FLT3LG: variants seen among roughly 807,000 people sequenced by gnomAD.
The protein encoded by FLT3LG is fms related receptor tyrosine kinase 3 ligand.
In FLT3LG, 8 loss-of-function variants were observed where a neutral mutation model predicts 30.9. The ratio of observed to expected loss-of-function variants is 0.26; its 90% CI spans 0.15 to 0.47. The LOEUF is 0.47. Among genes scored for constraint, FLT3LG ranks in the 20% least tolerant of loss-of-function variants. FLT3LG has a pLI of 0.99. For missense variants in FLT3LG, 278 were observed against 306.2 expected (o/e 0.91, Z 0.69); for synonymous variants, 123 against 135.9 (o/e 0.91, Z 0.66).
chr19:49,479,666 TA>T (rs1470781659), intron 6 of FLT3LG: 13 of 202,946 alleles, frequency 6.4e-5, no homozygotes, highest in South Asian at 1.6e-4. Context: ...CTCACGCGGC[TA>T]ATTTTTTTTT....
At chr19:49,474,572 G>A (rs2079306641) in intron 1 of FLT3LG, 31 bp from the exon 2 acceptor site, 5 of 1,544,636 alleles carry the variant, frequency 3.2e-6, no homozygotes, top group Non-Finnish European at 3.6e-6. Context: ...GGGCATGAGG[G>A]TCCGAGACTT....
At chr19:49,475,632 G>C in intron 2 of FLT3LG, 59 bp from the exon 3 acceptor site, 4 of 1,563,566 alleles carry the variant, frequency 2.6e-6, no homozygotes, top group Non-Finnish European at 3.4e-6. Context: ...TGGGAAGCCC[G>C]GAGGAGGGGG....
At chr19:49,485,248 C>CTTTTTTTTT (rs55877586) in intron 8 of FLT3LG, among the ~76,000 whole-genome samples, 49 of 121,804 alleles carry the variant, frequency 4.0e-4, no homozygotes, top group Non-Finnish European at 6.4e-4. Flanking sequence ...TCTTTTTTTT[C>CTTTTTTTTT]TTTTTTTTTT....
chr19:49,477,950 G>A (rs1405840269), intron 5 of FLT3LG, among the ~76,000 whole-genome samples: 2 of 151,890 alleles, frequency 1.3e-5, no homozygotes, highest in East Asian at 3.9e-4. Flanking sequence ...GGAGGCTGAG[G>A]CAGAATTCCT....
chr19:49,483,341 C>A (rs1010740144), intron 8 of FLT3LG, among the ~76,000 whole-genome samples: 1 of 151,908 alleles, frequency 6.6e-6, no homozygotes, highest in African/African-American at 2.4e-5. Flanking sequence ...TGATCTCCAT[C>A]CCCTGACCTC....
In FLT3LG at chr19:49,476,277, C is replaced by T; in HGVS notation, c.198+79C>T. Reference sequence around the variant, plus strand: ...TGCTCCACCGAGGCGAGTGGATAACCAGGCCCTCCCCTCCCCAAACCCAGG... The same window carrying T: ...TGCTCCACCGAGGCGAGTGGATAACTAGGCCCTCCCCTCCCCAAACCCAGG... On this transcript the variant is annotated intron_variant, in intron 4 of 8. Transcript: ENST00000597551. The surrounding 1 kb of genome is among the most constrained non-coding windows in gnomAD (Gnocchi z 5.3). 1 of 1,449,286 alleles carries T rather than the reference C, an allele frequency of 6.9e-7. No individual in the cohort carries two copies. Among genetic ancestry groups the T allele is most frequent in the Admixed American group, 1.7e-5 (1 of 59,780 alleles). 89.8% of individuals were successfully genotyped at this position (1,449,286 alleles called of 1,614,324 possible).
Position 49,478,900 on chromosome 19 carries a change from T to G in FLT3LG, c.343-9T>G. ...ACGTGGTGGTGACGTCTCCCTCCCC[T>G]GCTCCCAGCCCCCCCCCAGCTGTCT... On this transcript the variant is annotated splice_polypyrimidine_tract_variant and intron_variant, in intron 5 of 8. Transcript: ENST00000597551. The G allele has an allele frequency of 2.0e-6, 3 of 1,518,934 alleles. No homozygotes were observed. The highest frequency in any genetic ancestry group is 2.7e-6 in the Non-Finnish European group (3 of 1,129,354). 94.1% of individuals were successfully genotyped at this position (1,518,934 alleles called of 1,614,324 possible). A position where few individuals can be genotyped will look rare whatever the true frequency, so the allele number is the denominator to read the frequency against.
intron 7 of FLT3LG, 30 bp from the exon 8 acceptor site, chr19:49,480,522 C>A: frequency 6.2e-7 from 1 of 1,610,320 alleles, no homozygotes; most frequent in East Asian, 2.2e-5. Flanking sequence ...GAGGGTGGCC[C>A]ACTTGTGGCT....
At chr19:49,479,193 AAT>A in intron 6 of FLT3LG, 146 bp downstream of exon 6, 3 of 670,726 alleles carry the variant, frequency 4.5e-6, no homozygotes, top group Non-Finnish European at 6.3e-6. Context: ...TCAGTTTACC[AAT>A]TTTTTTTTTT....
In FLT3LG at chr19:49,476,971, A is replaced by C. The variant is rs1330161081; in HGVS notation, c.342+405A>C. Among the ~76,000 whole-genome samples, 5 of 151,668 alleles carry C rather than the reference A, an allele frequency of 3.3e-5. No individual in the cohort carries two copies. Among genetic ancestry groups the C allele is most frequent in the African/African-American group, 7.3e-5 (3 of 41,236 alleles). ...AGACCAGCCTGGCCAACATGATGAA[A>C]TCCCGGCTGTACTAAAAATACAAAA... On this transcript the variant is annotated intron_variant, in intron 5 of 8. Coordinates refer to ENST00000597551, the MANE Select transcript of FLT3LG (RefSeq NM_001459.4). The surrounding 1 kb of genome is among the most constrained non-coding windows in gnomAD (Gnocchi z 5.3).
rs767218011 is a variant in FLT3LG at position 49,480,344 on chromosome 19, CACAGCCCCG to C, written c.538_546del (p.Thr180_Pro182del). The C allele has an allele frequency of 4.3e-6, 7 of 1,610,306 alleles. No individual in the cohort carries two copies. Among genetic ancestry groups the C allele is most frequent in the Admixed American group, 3.3e-5 (2 of 59,970 alleles). On this transcript the variant is annotated inframe_deletion, in exon 7 of 9. Transcript: ENST00000597551. ...CATGGAGTCCCCGGCCCCTGGAGGCCACAGCCCCGACAGCCCCGCAGCCCCCTCTGCTCC... is the reference window on the plus strand; with the variant it reads ...CATGGAGTCCCCGGCCCCTGGAGGCCACAGCCCCGCAGCCCCCTCTGCTCC...
Position 49,476,482 on chromosome 19 carries a change from C to G in FLT3LG, c.258C>G (p.Leu86=). ...LVLAQRWMER[L]KTVAGSKMQG... The stretch of plus-strand genomic sequence containing the variant: ...TGGCACAGCGCTGGATGGAGCGGCT[C>G]AAGACTGTCGCTGGGTCCAAGATGC... Residue 86 remains leucine (L), a synonymous_variant, in exon 5 of 9, where the codon CTC becomes CTG. Coordinates refer to ENST00000597551, the MANE Select transcript of FLT3LG (RefSeq NM_001459.4). This position sits in a 1 kb window ranked among gnomAD's most constrained non-coding sequence, Gnocchi z 5.3. The G allele has an allele frequency of 6.2e-7, 1 of 1,614,144 alleles. No individual in the cohort carries two copies. The highest frequency in any genetic ancestry group is 1.1e-5 in the South Asian group (1 of 91,086).
intron 8 of FLT3LG, among the ~76,000 whole-genome samples, chr19:49,484,683 G>C (rs1342831500): frequency 1.3e-5 from 2 of 151,816 alleles, no homozygotes; most frequent in African/African-American, 4.8e-5. Context: ...TTTTAGTAGA[G>C]ATGGGGTTTC....
In FLT3LG at chr19:49,476,051, C is replaced by A; in HGVS notation, c.145-94C>A. 1.4e-6 allele frequency: 2 copies of A among 1,414,720 alleles called. No individual in the cohort carries two copies. The highest frequency in any genetic ancestry group is 1.1e-5 in the South Asian group (1 of 87,024). The allele number at this position is 1,414,720 out of a possible 1,614,324, so 87.6% of individuals were successfully genotyped here. ...TGGGCTCCCCCTCTCTTGGTCTTGT[C>A]CCTCTCTCTCTGGATCTCTGCTGCC... On this transcript the variant is annotated intron_variant, in intron 3 of 8. Transcript: ENST00000597551. The surrounding 1 kb of genome is among the most constrained non-coding windows in gnomAD (Gnocchi z 5.3).
At chr19:49,480,655 G>A in intron 8 of FLT3LG, 35 bp downstream of exon 8, 1 of 1,570,614 alleles carries the variant, frequency 6.4e-7, no homozygotes, top group Non-Finnish European at 8.7e-7. Context: ...CCTGGACTTT[G>A]TGTCTGCAGG....
At chr19:49,482,785 G>A (rs545586701) in intron 8 of FLT3LG, among the ~76,000 whole-genome samples, 3 of 151,826 alleles carry the variant, frequency 2.0e-5, no homozygotes, top group East Asian at 3.9e-4. Flanking sequence ...GCGCCATCAC[G>A]CCCGGCTAAT....
chr19:49,480,386 G>T lies in FLT3LG; in HGVS notation c.570G>T (p.Leu190=). 6.2e-7 allele frequency: 1 copy of T among 1,610,282 alleles called. No individual in the cohort carries two copies. The highest frequency in any genetic ancestry group is 8.5e-7 in the Non-Finnish European group (1 of 1,178,742). The part of the protein sequence containing the change: ...TAPQPPLLLL[L]LLPVGLLLLA... ...CGCAGCCCCCTCTGCTCCTCCTACT[G>T]CTGCTGCCCGTGGGCCTCCTGCTGC... The change falls in exon 7 of 9, where the codon CTG becomes CTT. Residue 190 remains leucine, a synonymous_variant. Transcript: ENST00000597551.
Position 49,475,786 on chromosome 19 carries a change from CA to C in FLT3LG, c.133del (p.Ile45SerfsTer57). On this transcript the variant is annotated frameshift_variant, in exon 3 of 9. Transcript: ENST00000597551. LOFTEE classifies it high-confidence loss of function. ...HSPISSDFAV[K>X]IRELSDYLLQ... ...GCCCCATCTCCTCCGACTTCGCTGT[CA>C]AAATCCGTGAGCTGGTGAGCGGCGC... 1 of 1,612,660 alleles carries C rather than the reference CA, an allele frequency of 6.2e-7. No homozygotes were observed.
chr19:49,485,679 G>A (rs2079778937), intron 8 of FLT3LG, among the ~76,000 whole-genome samples: 1 of 152,040 alleles, frequency 6.6e-6, no homozygotes, highest in Non-Finnish European at 1.5e-5. Context: ...ACTGTGCCTG[G>A]CCCTAATTTT....
Sources: allele counts gnomAD v4.1 joint callset (sites outside exome capture counted in the v4.1 genomes callset), GRCh38; gene constraint gnomAD v4.1.1; non-coding constraint Gnocchi (gnomAD v3.1); transcripts MANE v1.5; gene names NCBI Gene and HGNC (gene_info 2026-07-23, HGNC 2026-07-21).